The following TMEM131L variants were observed in gnomAD, a reference collection of about 807,000 sequenced individuals.
The protein encoded by TMEM131L is transmembrane protein 131-like.
A neutral mutation model predicts 192.2 loss-of-function variants in TMEM131L; 54 were observed. That is an observed-to-expected ratio of 0.28 (90% confidence interval 0.23 to 0.35). The LOEUF is 0.35. Ranked by LOEUF, TMEM131L falls within the 10% of genes least tolerant of loss-of-function variation. TMEM131L has a pLI of 1.00. For synonymous variants in TMEM131L, 701 were observed against 704.9 expected (o/e 0.99, Z 0.09); for missense variants, 1,888 against 1,972.9 (o/e 0.96, Z 0.82).
At chr4:153,612,580 T>A (rs1001307990) in intron 26 of TMEM131L, among the ~76,000 whole-genome samples, 180 bp downstream of exon 26, 1 of 152,240 alleles carries the variant, frequency 6.6e-6, no homozygotes, top group African/African-American at 2.4e-5. Context: ...GTTACTACAG[T>A]AATTTTTAGA....
At chr4:153,480,228 G>A (rs1235824362) in intron 3 of TMEM131L, among the ~76,000 whole-genome samples, 2 of 152,060 alleles carry the variant, frequency 1.3e-5, no homozygotes, top group African/African-American at 2.4e-5. Context: ...AGTCCCAGCT[G>A]CTTGGGAGGC....
At chr4:153,632,196 C>G (rs981829907) in intron 31 of TMEM131L, among the ~76,000 whole-genome samples, 2 of 152,084 alleles carry the variant, frequency 1.3e-5, no homozygotes, top group Non-Finnish European at 2.9e-5. Flanking sequence ...GCCTATAGTC[C>G]CAGTTACGCA....
At chr4:153,539,419 T>C (rs551063759) in intron 3 of TMEM131L, among the ~76,000 whole-genome samples, 37 of 152,132 alleles carry the variant, frequency 2.4e-4, no homozygotes, top group Non-Finnish European at 3.8e-4. Flanking sequence ...GTCTGCTGAA[T>C]GGACAGCATG....
At chr4:153,619,529 T>C (rs1391442620) in intron 26 of TMEM131L, among the ~76,000 whole-genome samples, 1 of 152,142 alleles carries the variant, frequency 6.6e-6, no homozygotes, top group East Asian at 1.9e-4. Context: ...GAAACAAAGG[T>C]GTATAAAGGA....
Position 153,588,922 on chromosome 4 carries a change from G to T in TMEM131L, c.1585G>T (p.Asp529Tyr), listed in dbSNP as rs750534236. Residue 529 changes from aspartate to tyrosine, a missense_variant, in exon 16 of 35, where the codon GAT (aspartate) becomes TAT (tyrosine). Physicochemically the swap from Asp to Tyr is radical, Grantham distance 160 (BLOSUM62 -3). Transcript: ENST00000409959. ...TAATTGGAATGGGAGCCTTTCTCTG[G>T]ATCAATCTACCTGGAATGTGGATTC... ...NPNWNGSLSL[D>Y]QSTWNVDSEL... 6.2e-7 allele frequency: 1 copy of T among 1,601,602 alleles called. No individual in the cohort carries two copies. Among genetic ancestry groups the T allele is most frequent in the South Asian group, 1.1e-5 (1 of 90,794 alleles).
intron 26 of TMEM131L, among the ~76,000 whole-genome samples, chr4:153,617,974 A>G (rs1209706751): frequency 6.6e-6 from 1 of 151,866 alleles, no homozygotes. Flanking sequence ...TGTGTTAAAG[A>G]TATCAACTCT....
chr4:153,495,760 T>C (rs1296407508), intron 3 of TMEM131L, among the ~76,000 whole-genome samples: 8 of 152,188 alleles, frequency 5.3e-5, no homozygotes. Context: ...AGGAATTTCC[T>C]TGTGGGTAAA....
At chr4:153,597,810 G>A (rs928626322) in intron 20 of TMEM131L, among the ~76,000 whole-genome samples, 2 of 152,130 alleles carry the variant, frequency 1.3e-5, no homozygotes, top group East Asian at 1.9e-4. Context: ...ATGCTTGCCT[G>A]TTGTCCCAGC....
chr4:153,532,199 A>G (rs1357663668), intron 3 of TMEM131L, among the ~76,000 whole-genome samples: 1 of 152,220 alleles, frequency 6.6e-6, no homozygotes, highest in African/African-American at 2.4e-5. Flanking sequence ...GCAGCTTACA[A>G]AGCACTGCAT....
At position 153,582,430 on chromosome 4, in the gene TMEM131L, GTTGTTTTTTTTT is replaced by G. The variant is rs1157625435; in HGVS notation, c.893-757_893-746del. On this transcript the variant is annotated intron_variant, in intron 9 of 34. Coordinates refer to ENST00000409959, the MANE Select transcript of TMEM131L (RefSeq NM_001131007.2). Reference sequence around the variant, plus strand: ...TGGCTAATTTAAACCGTTTTTTTTTGTTGTTTTTTTTTTTTTTTTTTTTTTTTTTGTAGAGAC... The same window carrying G: ...TGGCTAATTTAAACCGTTTTTTTTTGTTTTTTTTTTTTTTTTTGTAGAGAC... 2.5e-3 allele frequency among the ~76,000 whole-genome samples: 96 copies of G among 38,502 alleles called. 3 individuals are homozygous for G. Among genetic ancestry groups the G allele is most frequent in the African/African-American group, 0.014 (88 of 6,414 alleles). The allele number at this position is 38,502 out of a possible 152,430, so 25.3% of individuals were successfully genotyped here.
chr4:153,473,702 G>T (rs951009663), intron 2 of TMEM131L, 143 bp from the exon 3 acceptor site: 1 of 577,012 alleles, frequency 1.7e-6, no homozygotes, highest in Non-Finnish European at 3.1e-6. Flanking sequence ...TGAGGCAGGA[G>T]AATTGCTTGA....
intron 16 of TMEM131L, among the ~76,000 whole-genome samples, chr4:153,590,847 T>C (rs1272938502): frequency 1.3e-5 from 2 of 152,176 alleles, no homozygotes; most frequent in African/African-American, 4.8e-5. Flanking sequence ...GTTTGAGTGC[T>C]TCCTTGCTTT....
chr4:153,551,137 C>T (rs907273542), intron 4 of TMEM131L, among the ~76,000 whole-genome samples: 9 of 152,154 alleles, frequency 5.9e-5, no homozygotes, highest in Non-Finnish European at 1.2e-4. Context: ...GAGGTAAAAG[C>T]ACTGCTTGTT....
intron 3 of TMEM131L, among the ~76,000 whole-genome samples, chr4:153,536,113 G>T (rs1161851968): frequency 6.6e-6 from 1 of 152,196 alleles, no homozygotes; most frequent in Non-Finnish European, 1.5e-5. Flanking sequence ...TGGGGATGGA[G>T]AATGCTGGAA....
At chr4:153,507,566 A>G (rs1320857414) in intron 3 of TMEM131L, among the ~76,000 whole-genome samples, 1 of 152,216 alleles carries the variant, frequency 6.6e-6, no homozygotes, top group Non-Finnish European at 1.5e-5. Context: ...ATGTCCCAAA[A>G]GAGAATACAA....
chr4:153,527,996 C>A (rs966945795), intron 3 of TMEM131L, among the ~76,000 whole-genome samples: 1 of 152,192 alleles, frequency 6.6e-6, no homozygotes, highest in Non-Finnish European at 1.5e-5. Context: ...TGCAGCCATA[C>A]CATTAACTGA....
chr4:153,524,627 G>A (rs186581354), intron 3 of TMEM131L, among the ~76,000 whole-genome samples: 1 of 152,292 alleles, frequency 6.6e-6, no homozygotes, highest in Non-Finnish European at 1.5e-5. Context: ...TGCTTGGTAG[G>A]AGGCCTAGGT....
chr4:153,576,453 G>A (rs1729948566), intron 7 of TMEM131L, among the ~76,000 whole-genome samples: 1 of 152,134 alleles, frequency 6.6e-6, no homozygotes, highest in Admixed American at 6.5e-5. Flanking sequence ...TAATTAAAAT[G>A]GCAAGTTATA....
At chr4:153,566,258 C>G (rs1013327382) in intron 7 of TMEM131L, among the ~76,000 whole-genome samples, 3 of 151,966 alleles carry the variant, frequency 2.0e-5, no homozygotes, top group Admixed American at 2.0e-4. Context: ...GCCTCAGCCT[C>G]CCGAGTAGCT....
Sources: allele counts gnomAD v4.1 joint callset (sites outside exome capture counted in the v4.1 genomes callset), GRCh38; gene constraint gnomAD v4.1.1; transcripts MANE v1.5; gene names NCBI Gene and HGNC (gene_info 2026-07-23, HGNC 2026-07-21).